CASP6: variants seen among roughly 807,000 people sequenced by gnomAD.
CASP6 encodes caspase-6.
A neutral mutation model predicts 31.8 loss-of-function variants in CASP6; 20 were observed. The observed-to-expected ratio is 0.63, with a 90% CI of 0.44 to 0.91. The LOEUF (loss-of-function observed/expected upper bound fraction) is 0.91. Among genes scored for constraint, CASP6 ranks in the 40% least tolerant of loss-of-function variants. The pLI is 0.00. For missense variants in CASP6, 328 were observed against 361.1 expected (o/e 0.91, Z 0.74); for synonymous variants, 130 against 127.8 (o/e 1.02, Z -0.12).
chr4:109,705,165 A>T (rs1399203645), upstream of CASP6, among the ~76,000 whole-genome samples: 1 of 152,254 alleles, frequency 6.6e-6, no homozygotes, highest in Non-Finnish European at 1.5e-5. Context: ...CTTTAAAGCC[A>T]ACATTCCTTT....
chr4:109,703,863 G>A (rs1730518218), upstream of CASP6, among the ~76,000 whole-genome samples: 2 of 152,190 alleles, frequency 1.3e-5, no homozygotes, highest in Admixed American at 6.5e-5. Flanking sequence ...CCGCTTAGCA[G>A]ATACTGCCTG....
upstream of CASP6, among the ~76,000 whole-genome samples, chr4:109,706,035 A>ATATAATG (rs1730602641): frequency 1.7e-5 from 2 of 114,438 alleles, no homozygotes; most frequent in South Asian, 5.7e-4. Context: ...TATATATAAT[A>ATATAATG]TATATAAAAT....
At chr4:109,697,384 C>G (rs1730279538) in intron 3 of CASP6, among the ~76,000 whole-genome samples, 1 of 151,780 alleles carries the variant, frequency 6.6e-6, no homozygotes, top group Non-Finnish European at 1.5e-5. Context: ...CAATCCTCCC[C>G]CTTCAGCCTC....
At chr4:109,681,470 C>A in the CASP6 span, 1 of 453,750 alleles carries the variant, frequency 2.2e-6, no homozygotes, top group Non-Finnish European at 4.4e-6. Context: ...CCAGAACTCC[C>A]AAGATGGTCG....
At chr4:109,703,454 G>T (rs1401120866), upstream of CASP6, 24 of 1,583,212 alleles carry the variant, frequency 1.5e-5, no homozygotes, top group South Asian at 2.3e-4. Context: ...ACAGGCTCCC[G>T]GGCCCGGCCC....
the CASP6 span, among the ~76,000 whole-genome samples, chr4:109,680,446 C>G: frequency 6.6e-6 from 1 of 152,150 alleles, no homozygotes; most frequent in African/African-American, 2.4e-5. Context: ...TCAGTTCACG[C>G]TGGACCCTAT....
At chr4:109,664,422 CTTTTT>C in the CASP6 span, 4 of 616,236 alleles carry the variant, frequency 6.5e-6, no homozygotes, top group Non-Finnish European at 1.1e-5. Context: ...CCAACTATTA[CTTTTT>C]TTTTTTTTTT....
chr4:109,674,939 C>T, the CASP6 span, among the ~76,000 whole-genome samples: 2 of 152,156 alleles, frequency 1.3e-5, no homozygotes, highest in Non-Finnish European at 2.9e-5. Context: ...TAATGACTTA[C>T]GAGCAAGCTG....
intron 1 of CASP6, among the ~76,000 whole-genome samples, chr4:109,700,599 T>TTTG (rs757228300): frequency 8.5e-5 from 13 of 152,154 alleles, no homozygotes; most frequent in East Asian, 1.9e-4. Flanking sequence ...TTTTAAGTTT[T>TTTG]TTGTTGTTGT....
the CASP6 span, among the ~76,000 whole-genome samples, chr4:109,678,365 C>T: frequency 1.1e-4 from 16 of 151,624 alleles, no homozygotes; most frequent in Non-Finnish European, 1.0e-4. Context: ...CCAGGTGGGG[C>T]GGCCGGGCAG....
At chr4:109,674,055 T>G in the CASP6 span, 1 of 1,383,990 alleles carries the variant, frequency 7.2e-7, no homozygotes, top group Admixed American at 1.7e-5. Context: ...AAGGCTTTGT[T>G]GTAGGAGCAA....
chr4:109,702,460 G>C (rs757309137), intron 1 of CASP6, among the ~76,000 whole-genome samples: 11 of 151,972 alleles, frequency 7.2e-5, no homozygotes, highest in Admixed American at 1.3e-4. Context: ...CTCCCCAGTA[G>C]CTTGCGCCCA....
At chr4:109,667,025 G>A in the CASP6 span, among the ~76,000 whole-genome samples, 4 of 152,112 alleles carry the variant, frequency 2.6e-5, 1 homozygote, top group East Asian at 7.7e-4. Context: ...CTATATTCAC[G>A]AGAGATATTG....
At chr4:109,707,608 A>G (rs1730645702), upstream of CASP6, among the ~76,000 whole-genome samples, 1 of 151,628 alleles carries the variant, frequency 6.6e-6, no homozygotes, top group East Asian at 1.9e-4. Flanking sequence ...CTGGTATCAA[A>G]CTCCCGACCT....
At chr4:109,680,768 T>C in the CASP6 span, among the ~76,000 whole-genome samples, 1 of 152,178 alleles carries the variant, frequency 6.6e-6, no homozygotes, top group African/African-American at 2.4e-5. Context: ...TGATACCAAC[T>C]CTAGACATAT....
At chr4:109,686,627 G>A (rs576468471), downstream of CASP6, among the ~76,000 whole-genome samples, 311 of 152,332 alleles carry the variant, frequency 2.0e-3, no homozygotes, top group African/African-American at 7.1e-3. Flanking sequence ...TGTGATCCCA[G>A]TGATTTGGGA....
chr4:109,708,705 A>G, the CASP6 span, among the ~76,000 whole-genome samples: 2 of 152,216 alleles, frequency 1.3e-5, no homozygotes, highest in Non-Finnish European at 2.9e-5. Context: ...CTCCATAAGT[A>G]TCTTATTATC....
chr4:109,703,210 G>T, intron 1 of CASP6, 146 bp downstream of exon 1: 1 of 893,180 alleles, frequency 1.1e-6, no homozygotes, highest in Non-Finnish European at 1.7e-6. Flanking sequence ...CAATCCAAGA[G>T]TGCAACTTCT....
chr4:109,675,946 G>C, the CASP6 span, among the ~76,000 whole-genome samples: 1 of 152,162 alleles, frequency 6.6e-6, no homozygotes, highest in Non-Finnish European at 1.5e-5. Flanking sequence ...ATAAAATGTT[G>C]TTCTTCCTAA....
Sources: allele counts gnomAD v4.1 joint callset (sites outside exome capture counted in the v4.1 genomes callset), GRCh38; gene constraint gnomAD v4.1.1; transcripts MANE v1.5; gene names NCBI Gene and HGNC (gene_info 2026-07-23, HGNC 2026-07-21).